FCGR2B: variants seen among roughly 807,000 people sequenced by gnomAD.
The protein encoded by FCGR2B is Fc gamma receptor IIb, also known as low affinity immunoglobulin gamma Fc region receptor II-b.
Under a neutral mutation model 24.8 loss-of-function variants are expected in FCGR2B, and 18 were observed. That is an observed-to-expected ratio of 0.73 (90% CI 0.50 to 1.08). The LOEUF (loss-of-function observed/expected upper bound fraction) is 1.08. Ranked by LOEUF, FCGR2B falls within the 50% of genes least tolerant of loss-of-function variation. The pLI is 0.00. For synonymous variants in FCGR2B, 79 were observed against 109.8 expected, an observed-to-expected ratio of 0.72 and a Z score of 1.75; for missense variants, 215 against 297.6, an observed-to-expected ratio of 0.72 and a Z score of 2.04.
chr1:161,671,945 C>T (rs1359166374), intron 3 of FCGR2B: 2 of 521,828 alleles, frequency 3.8e-6, no homozygotes, highest in Non-Finnish European at 6.9e-6. Flanking sequence ...TGAATCCTAG[C>T]CCTGGAAATG....
rs560590384 is a variant in FCGR2B, at chr1:161,673,222, T to A, written c.639T>A (p.Thr213=). The A allele has an allele frequency of 6.2e-7, 1 of 1,601,466 alleles. No homozygotes were observed. Among genetic ancestry groups the A allele is most frequent in the African/African-American group, 1.4e-5 (1 of 73,008 alleles). Residue 213 remains threonine, a synonymous_variant, in exon 4 of 8, where the codon ACT becomes ACA. Transcript: ENST00000358671. ...TLYSSKPVTI[T]VQAPSSSPMG... is the part of the protein sequence containing the mutation. ...ACTCATCCAAGCCTGTGACCATCAC[T>A]GTCCAAGGTATGCGGAGTCTGCCAA...
intron 1 of FCGR2B, among the ~76,000 whole-genome samples, chr1:161,667,800 C>CT (rs542747901): frequency 9.7e-4 from 23 of 23,690 alleles, no homozygotes; most frequent in East Asian, 7.8e-3. Flanking sequence ...ACAGTCATCT[C>CT]TTTTTTTTTT....
chr1:161,672,823 T>G (rs1328897180), intron 3 of FCGR2B, 152 bp from the exon 4 acceptor site: 15 of 1,252,910 alleles, frequency 1.2e-5, no homozygotes, highest in Non-Finnish European at 1.6e-5. Context: ...CAAGAGTTCA[T>G]AAATGACAGA....
chr1:161,672,944 C>A, intron 3 of FCGR2B, 31 bp from the exon 4 acceptor site: 1 of 1,613,114 alleles, frequency 6.2e-7, no homozygotes, highest in South Asian at 1.1e-5. Context: ...CAAGACCTCC[C>A]GGGTCCTCTG....
chr1:161,647,297 C>CTTTTTTTTTTTTTT, the FCGR2B span, among the ~76,000 whole-genome samples: 1 of 122,572 alleles, frequency 8.2e-6, no homozygotes, highest in African/African-American at 3.3e-5. Flanking sequence ...GCTCTGGACT[C>CTTTTTTTTTTTTTT]TTTTTTTTTT....
Position 161,672,967 on chromosome 1 carries a change from T to G in FCGR2B, c.392-8T>G. On this transcript the variant is annotated splice_polypyrimidine_tract_variant and splice_region_variant and intron_variant, in intron 3 of 7. Coordinates refer to ENST00000358671, the MANE Select transcript of FCGR2B (RefSeq NM_001394477.1). ...CCCGGGTCCTCTGCGGTTTTTTGTGTCTTTCAGAGTGGCTGGTGCTCCAGA... is the reference window on the plus strand; with the variant it reads ...CCCGGGTCCTCTGCGGTTTTTTGTGGCTTTCAGAGTGGCTGGTGCTCCAGA... 3.1e-6 allele frequency: 5 copies of G among 1,613,722 alleles called. No homozygotes were observed. The highest frequency in any genetic ancestry group is 4.2e-6 in the Non-Finnish European group (5 of 1,179,804).
rs759846161 is a variant in FCGR2B, at chr1:161,671,393, A to C, written c.135A>C (p.Ala45=). 1 of 1,613,830 alleles carries C rather than the reference A, an allele frequency of 6.2e-7. No individual in the cohort carries two copies. The highest frequency in any genetic ancestry group is 8.5e-7 in the Non-Finnish European group (1 of 1,180,002). ...CTACCTCCTCTCTCTGCCCCTCAGC[A>C]GCTCCCCCAAAGGCTGTGCTGAAAC... ...LFLAPVAGTP[A]APPKAVLKLE... is the part of the protein sequence containing the mutation. The change falls in exon 3 of 8, where the codon GCA becomes GCC. Residue 45 remains alanine, a splice_region_variant and synonymous_variant. Coordinates refer to ENST00000358671, the MANE Select transcript of FCGR2B (RefSeq NM_001394477.1).
intron 2 of FCGR2B, 90 bp from the exon 3 acceptor site, chr1:161,671,302 G>A (rs1681632923): frequency 3.1e-6 from 5 of 1,600,092 alleles, no homozygotes; most frequent in Non-Finnish European, 4.3e-6. Flanking sequence ...CCCCTAGTAG[G>A]CCTACAGGTG....
chr1:161,671,964 T>C (rs1681703238), intron 3 of FCGR2B: 4 of 467,216 alleles, frequency 8.6e-6, no homozygotes, highest in Non-Finnish European at 1.2e-5. Context: ...TGACTCACTA[T>C]ACAACATGAT....
At chr1:161,653,276 A>G in the FCGR2B span, among the ~76,000 whole-genome samples, 28,526 of 128,100 alleles carry the variant, frequency 0.22, 3,785 homozygotes, top group African/African-American at 0.25. Context: ...GGTGGCAGGC[A>G]CCTGTAATCC....
chr1:161,649,491 G>T, the FCGR2B span, among the ~76,000 whole-genome samples: 3 of 151,070 alleles, frequency 2.0e-5, no homozygotes, highest in South Asian at 2.1e-4. Context: ...GTTTAGCAGG[G>T]TGCAAGTGAC....
chr1:161,650,689 T>C, the FCGR2B span, among the ~76,000 whole-genome samples: 1 of 126,558 alleles, frequency 7.9e-6, no homozygotes, highest in Non-Finnish European at 1.6e-5. Context: ...AGAATGTAGA[T>C]AAAATCATTT....
rs1346508390 is a variant in FCGR2B, at chr1:161,671,552, C to G, written c.294C>G (p.Ser98Arg). 6.2e-7 allele frequency: 1 copy of G among 1,614,088 alleles called. No individual in the cohort carries two copies. The highest frequency in any genetic ancestry group is 1.1e-5 in the South Asian group (1 of 91,088). The change falls in exon 3 of 8, where the codon AGC becomes AGG. Residue 98 changes from serine (S) to arginine (R), a missense_variant. Around this residue, in one of 5 missense-constraint regions of FCGR2B, gnomAD observed 39 missense variants for 73.3 expected, o/e 0.53. Transcript: ENST00000358671. ...GNLIPTHTQP[S>R]YRFKANNNDS... Reference sequence around the variant, plus strand: ...TCATTCCCACCCACACGCAGCCCAGCTACAGGTTCAAGGCCAACAACAATG... The same window carrying G: ...TCATTCCCACCCACACGCAGCCCAGGTACAGGTTCAAGGCCAACAACAATG...
chr1:161,661,195 AAAGAAAGAAAGAAAG>A (rs1681008410), upstream of FCGR2B, among the ~76,000 whole-genome samples: 5 of 22,476 alleles, frequency 2.2e-4, no homozygotes, highest in African/African-American at 1.3e-3. Context: ...GAAAGGAAAG[AAAGAAAGAAAGAAAG>A]AAAGAAAGAA....
chr1:161,654,032 A>G, the FCGR2B span, among the ~76,000 whole-genome samples: 121 of 134,054 alleles, frequency 9.0e-4, 23 homozygotes, highest in Non-Finnish European at 1.6e-3. Flanking sequence ...CAAAGTACCC[A>G]TGAAAAACCT....
rs1026125025 is a variant in FCGR2B at position 161,669,718 on chromosome 1, C to G, written c.113-534C>G. Reference sequence around the variant, plus strand: ...TTTTTAGAGTATATCCTCATTTACACTTATGTATGTCTGTATGTGAACAGC... The same window carrying G: ...TTTTTAGAGTATATCCTCATTTACAGTTATGTATGTCTGTATGTGAACAGC... On this transcript the variant is annotated intron_variant, in intron 1 of 7. Coordinates refer to ENST00000358671, the MANE Select transcript of FCGR2B (RefSeq NM_001394477.1). Among the ~76,000 whole-genome samples the G allele has an allele frequency of 3.9e-5, 5 of 127,228 alleles. 1 individual carries two copies. Among genetic ancestry groups the G allele is most frequent in the Non-Finnish European group, 8.9e-5 (5 of 55,908 alleles). The allele number at this position is 127,228 out of a possible 152,430, so 83.5% of individuals were successfully genotyped here.
chr1:161,654,406 T>G, the FCGR2B span, among the ~76,000 whole-genome samples: 1 of 137,060 alleles, frequency 7.3e-6, no homozygotes, highest in South Asian at 2.4e-4. Context: ...GTTCCTTTCC[T>G]CCAGGTGTAA....
rs2102660348 is a variant in FCGR2B, at chr1:161,671,445, C to T, written c.187C>T (p.Gln63Ter). 1.2e-6 allele frequency: 2 copies of T among 1,614,224 alleles called. No individual in the cohort carries two copies. Among genetic ancestry groups the T allele is most frequent in the African/African-American group, 1.3e-5 (1 of 75,066 alleles). ...KLEPQWINVL[Q>*]EDSVTLTCRG... is the part of the protein sequence containing the mutation. The stretch of plus-strand genomic sequence containing the variant: ...CGAGCCCCAGTGGATCAACGTGCTC[C>T]AGGAGGACTCTGTGACTCTGACATG... The change falls in exon 3 of 8, where the codon CAG (glutamine) becomes TAG (stop). Residue 63 changes from glutamine to a stop codon, truncating the protein, a stop_gained. Transcript: ENST00000358671. LOFTEE classifies it high-confidence loss of function.
upstream of FCGR2B, among the ~76,000 whole-genome samples, chr1:161,661,374 G>A (rs372393584): frequency 0.022 from 2,668 of 123,260 alleles, 87 homozygotes; most frequent in East Asian, 0.049. Flanking sequence ...GAGCAAGACA[G>A]CACATAATTG....
Sources: allele counts gnomAD v4.1 joint callset (sites outside exome capture counted in the v4.1 genomes callset), GRCh38; gene constraint gnomAD v4.1.1; regional missense constraint gnomAD v4.1.1; transcripts MANE v1.5; gene names NCBI Gene and HGNC (gene_info 2026-07-23, HGNC 2026-07-21).